Variants in CNTN4 observed in about 807,000 individuals in gnomAD.
The protein encoded by CNTN4 is contactin 4.
A neutral mutation model predicts 122.5 loss-of-function variants in CNTN4; 77 were observed. The ratio of observed to expected loss-of-function variants is 0.63; its 90% CI spans 0.52 to 0.76. CNTN4 has a LOEUF of 0.76. Among genes scored for constraint, CNTN4 ranks in the 30% least tolerant of loss-of-function variants. The probability of loss-of-function intolerance (pLI) is 0.00; values close to 1 mark genes in which losing one functional copy is unlikely to be tolerated. For missense variants in CNTN4, 1,256 were observed against 1,259.1 expected (o/e 1.00, Z 0.04); for synonymous variants, 512 against 447.0 (o/e 1.15, Z -1.83).
At chr3:2,783,334 A>T (rs147497025) in intron 6 of CNTN4, among the ~76,000 whole-genome samples, 14 of 152,274 alleles carry the variant, frequency 9.2e-5, no homozygotes, top group Non-Finnish European at 1.8e-4. Context: ...GGCCTTAGAG[A>T]TAATTCGTCT....
At chr3:2,772,945 T>C (rs2091166841) in intron 6 of CNTN4, among the ~76,000 whole-genome samples, 3 of 152,122 alleles carry the variant, frequency 2.0e-5, no homozygotes. Context: ...AGAGCAGATA[T>C]TTTCAGGAAG....
At chr3:2,989,249 A>C (rs1694848679) in intron 14 of CNTN4, among the ~76,000 whole-genome samples, 1 of 152,128 alleles carries the variant, frequency 6.6e-6, no homozygotes, top group Non-Finnish European at 1.5e-5. Flanking sequence ...GATTTGACTG[A>C]AGAAGATGAG....
intron 3 of CNTN4, among the ~76,000 whole-genome samples, chr3:2,507,594 G>A (rs2076766384): frequency 6.6e-6 from 1 of 151,686 alleles, no homozygotes; most frequent in South Asian, 2.1e-4. Context: ...AATTAGCCAG[G>A]CATAGTGGCA....
intron 2 of CNTN4, 125 bp downstream of exon 2, chr3:2,100,764 T>G (rs577717457): frequency 6.6e-6 from 1 of 152,350 alleles, no homozygotes; most frequent in African/African-American, 2.4e-5. Flanking sequence ...AATATTATTT[T>G]TGCTACCTTA....
chr3:2,523,727 A>G (rs889060031), intron 3 of CNTN4, among the ~76,000 whole-genome samples: 1 of 152,098 alleles, frequency 6.6e-6, no homozygotes, highest in African/African-American at 2.4e-5. Flanking sequence ...AAATATCATG[A>G]CAAGGAGAGG....
chr3:2,997,578 C>T lies in CNTN4; in HGVS notation c.1486+9106C>T, dbSNP rs538678088. 3.3e-5 allele frequency among the ~76,000 whole-genome samples: 5 copies of T among 152,306 alleles called. No individual in the cohort carries two copies. The East Asian group carries it at 9.7e-4, about 29-fold the overall frequency. The stretch of plus-strand genomic sequence containing the variant: ...CACGACTGAATTTCTTTGGCTGTCG[C>T]AGGCAATCAAATTTAAGAAAACTGC... On this transcript the variant is annotated intron_variant, in intron 14 of 24. Transcript: ENST00000418658.
intron 13 of CNTN4, among the ~76,000 whole-genome samples, chr3:2,929,744 A>G (rs534082811): frequency 1.3e-5 from 2 of 152,278 alleles, no homozygotes; most frequent in South Asian, 2.1e-4. Context: ...ATGTATCGCA[A>G]TGTCCACTGA....
chr3:2,865,422 A>G (rs2093713690), intron 7 of CNTN4, among the ~76,000 whole-genome samples: 1 of 152,186 alleles, frequency 6.6e-6, no homozygotes, highest in Non-Finnish European at 1.5e-5. Flanking sequence ...CGTTCTCTCT[A>G]CAAAACTGAA....
chr3:2,118,531 T>A lies in CNTN4; in HGVS notation c.-145+17892T>A, dbSNP rs191536518. ...ATTTGCATATGAATGTAAACAGAAT[T>A]TTTGTAGTTATAGTAGATTGGTAAT... On this transcript the variant is annotated intron_variant, in intron 2 of 24. Transcript: ENST00000418658. Among the ~76,000 whole-genome samples the A allele has an allele frequency of 1.8e-3, 278 of 152,322 alleles. 3 individuals carry two copies. The highest frequency in any genetic ancestry group is 0.01 in the Middle Eastern group (3 of 294).
At chr3:2,938,824 G>T (rs144670192) in intron 13 of CNTN4, among the ~76,000 whole-genome samples, 1 of 152,186 alleles carries the variant, frequency 6.6e-6, no homozygotes, top group Non-Finnish European at 1.5e-5. Context: ...TACCTCAGCC[G>T]TGCCTTTGTT....
intron 3 of CNTN4, among the ~76,000 whole-genome samples, chr3:2,514,378 C>T (rs1465875312): frequency 2.0e-5 from 3 of 151,970 alleles, no homozygotes; most frequent in African/African-American, 7.3e-5. Flanking sequence ...TGGCACAGGC[C>T]TGTAGTCCCA....
intron 2 of CNTN4, among the ~76,000 whole-genome samples, chr3:2,283,953 C>G (rs536130122): frequency 2.1e-4 from 32 of 152,176 alleles, no homozygotes; most frequent in Admixed American, 1.8e-3. Context: ...GCTCTCTGCC[C>G]CTTTGCCTGG....
At chr3:2,487,932 G>C (rs2076208769) in intron 3 of CNTN4, among the ~76,000 whole-genome samples, 2 of 152,118 alleles carry the variant, frequency 1.3e-5, no homozygotes, top group Admixed American at 6.5e-5. Flanking sequence ...ATTATGACTT[G>C]GTGAATTTTA....
At chr3:2,619,291 C>T (rs1028763670) in intron 4 of CNTN4, among the ~76,000 whole-genome samples, 2 of 152,220 alleles carry the variant, frequency 1.3e-5, no homozygotes, top group African/African-American at 4.8e-5. Context: ...CGTTCCTGGG[C>T]TCTTGCTACC....
intron 4 of CNTN4, among the ~76,000 whole-genome samples, chr3:2,643,386 C>G (rs986098990): frequency 6.6e-6 from 1 of 152,050 alleles, no homozygotes; most frequent in Admixed American, 6.6e-5. Flanking sequence ...GTTGGCCAGG[C>G]TGGTCTTGAA....
chr3:2,618,151 G>A (rs1333906133), intron 4 of CNTN4, among the ~76,000 whole-genome samples: 2 of 152,078 alleles, frequency 1.3e-5, no homozygotes, highest in Non-Finnish European at 2.9e-5. Context: ...AATGGATAAT[G>A]CTTAGAACCA....
intron 3 of CNTN4, among the ~76,000 whole-genome samples, chr3:2,551,366 T>G (rs555441275): frequency 2.5e-4 from 38 of 152,226 alleles, no homozygotes; most frequent in Middle Eastern, 3.4e-3. Flanking sequence ...TGTTTGTATA[T>G]CATGTGTGTA....
Position 2,655,861 on chromosome 3 carries a change from C to T in CNTN4, c.56-80354C>T, listed in dbSNP as rs569459979. Among the ~76,000 whole-genome samples, 8 of 152,230 alleles carry T rather than the reference C, an allele frequency of 5.3e-5. No homozygotes were observed. The East Asian group carries it at 1.2e-3, about 22-fold the overall frequency. On this transcript the variant is annotated intron_variant, in intron 4 of 24. Coordinates refer to ENST00000418658, the MANE Select transcript of CNTN4 (RefSeq NM_175607.3). ...TTGACTTTCTTTCAGGATAATCCCA[C>T]TGGGTTTTTAACTTGCAAATATCTG...
chr3:2,322,977 TG>T (rs1209123441), intron 2 of CNTN4, among the ~76,000 whole-genome samples: 1 of 152,112 alleles, frequency 6.6e-6, no homozygotes, highest in Non-Finnish European at 1.5e-5. Context: ...TTCACTTTCC[TG>T]GGGGCTCTAG....
Sources: gnomAD v4.1 joint callset for allele counts (sites outside exome capture counted in the v4.1 genomes callset) on GRCh38, gnomAD v4.1.1 for gene constraint, MANE v1.5 for transcripts, NCBI Gene and HGNC (gene_info 2026-07-23, HGNC 2026-07-21) for gene names.